The following CPNE2 variants were observed in gnomAD, a reference collection of about 807,000 sequenced individuals.
CPNE2 encodes copine-2.
A neutral mutation model predicts 69.7 loss-of-function variants in CPNE2; 42 were observed. The ratio of observed to expected loss-of-function variants is 0.60; its 90% CI spans 0.47 to 0.78. CPNE2 has a LOEUF of 0.78. Among genes scored for constraint, CPNE2 ranks in the 30% least tolerant of loss-of-function variants. CPNE2 has a pLI of 0.00. For missense variants in CPNE2, 587 were observed against 732.0 expected, an observed-to-expected ratio of 0.80 and a Z score of 2.29; for synonymous variants, 294 against 289.8, an observed-to-expected ratio of 1.01 and a Z score of -0.15.
At chr16:57,103,977 T>C (rs1440761394) in intron 1 of CPNE2, among the ~76,000 whole-genome samples, 1 of 152,180 alleles carries the variant, frequency 6.6e-6, no homozygotes, top group African/African-American at 2.4e-5. Context: ...AGTGCAGTGG[T>C]GCAATCTAGG....
intron 1 of CPNE2, among the ~76,000 whole-genome samples, chr16:57,101,405 G>A (rs1462830721): frequency 6.6e-6 from 1 of 152,156 alleles, no homozygotes; most frequent in Non-Finnish European, 1.5e-5. Flanking sequence ...CCCCCCAAAA[G>A]TTCAGTAAAC....
chr16:57,134,657 A>C, intron 12 of CPNE2, 118 bp from the exon 13 acceptor site: 6 of 990,508 alleles, frequency 6.1e-6, no homozygotes, highest in Non-Finnish European at 9.4e-6. Context: ...AGAGGAGGGT[A>C]GGGGTGGGGG....
chr16:57,121,119 C>T lies in CPNE2; in HGVS notation c.708C>T (p.Asp236=), dbSNP rs2305697. 838 of 1,613,828 alleles carry T rather than the reference C, an allele frequency of 5.2e-4. 2 individuals are homozygous for T. In the East Asian group the frequency reaches 9.3e-3, roughly 18 times the overall value. Residue 236 remains aspartate, a synonymous_variant, in exon 8 of 16, where the codon GAC becomes GAT. Transcript: ENST00000290776. Reference sequence around the variant, plus strand: ...TCATGTGCTACGACTATGACAATGACGGGGGCCATGACTTCATCGGCGAGT... The same window carrying T: ...TCATGTGCTACGACTATGACAATGATGGGGGCCATGACTTCATCGGCGAGT... ...IQVMCYDYDN[D]GGHDFIGEFQ...
intron 12 of CPNE2, among the ~76,000 whole-genome samples, 159 bp from the exon 13 acceptor site, chr16:57,134,616 G>A (rs995541992): frequency 1.3e-5 from 2 of 152,052 alleles, no homozygotes; most frequent in Non-Finnish European, 2.9e-5. Context: ...CAGTGGAGGT[G>A]AAAAGCAGAT....
intron 10 of CPNE2, chr16:57,125,516 G>A (rs1251601838): frequency 5.2e-6 from 2 of 387,728 alleles, no homozygotes. Flanking sequence ...GCCTGGCTCT[G>A]CATGCAGAGC....
chr16:57,113,558 A>G, intron 3 of CPNE2, 91 bp downstream of exon 3: 1 of 1,359,722 alleles, frequency 7.4e-7, no homozygotes, highest in Non-Finnish European at 9.9e-7. Flanking sequence ...CCCTAGCCCC[A>G]TCTTCCTGGG....
chr16:57,123,625 G>A, intron 10 of CPNE2, 152 bp downstream of exon 10: 1 of 763,658 alleles, frequency 1.3e-6, no homozygotes, highest in Non-Finnish European at 2.2e-6. Flanking sequence ...AGTGAGGAGG[G>A]CATAAGTGGG....
rs1567327400 is a variant in CPNE2 at position 57,137,160 on chromosome 16, A to G, written c.1180A>G (p.Ile394Val). The G allele has an allele frequency of 1.9e-6, 3 of 1,614,118 alleles. No individual in the cohort carries two copies. Among genetic ancestry groups the G allele is most frequent in the Non-Finnish European group, 2.5e-6 (3 of 1,179,998 alleles). The change falls in exon 14 of 16, where the codon ATT becomes GTT. Residue 394 changes from isoleucine (I) to valine (V), a missense_variant. Around this residue, in one of 5 missense-constraint regions of CPNE2, gnomAD observed 185 missense variants for 252.3 expected, o/e 0.73. Coordinates refer to ENST00000290776, the MANE Select transcript of CPNE2 (RefSeq NM_152727.6). ...TTCTCCCGAGGCAGGTGTGGATGGT[A>G]TTGCCCAGGCGTACTCAGCTTGCCT... ...TNPFCSGVDG[I>V]AQAYSACLPH...
chr16:57,094,126 G>A (rs1470587010), intron 1 of CPNE2: 2 of 456,054 alleles, frequency 4.4e-6, no homozygotes, highest in Non-Finnish European at 8.8e-6. Context: ...AGCTGGATTG[G>A]AAGGGGTCAC....
chr16:57,118,688 GGATAGATA>G (rs71383224), intron 5 of CPNE2, among the ~76,000 whole-genome samples: 2 of 150,918 alleles, frequency 1.3e-5, no homozygotes, highest in African/African-American at 4.9e-5. Context: ...ATGGATGGAT[GGATAGATA>G]GATAGATAGA....
At chr16:57,124,520 C>A in intron 10 of CPNE2, 1 of 374,878 alleles carries the variant, frequency 2.7e-6, no homozygotes. Flanking sequence ...CCACTCCAAC[C>A]CCAGCATATC....
chr16:57,125,916 C>T lies in CPNE2; in HGVS notation c.984C>T (p.His328=). 3.7e-6 allele frequency: 6 copies of T among 1,614,206 alleles called. No individual in the cohort carries two copies. Among genetic ancestry groups the T allele is most frequent in the Non-Finnish European group, 5.1e-6 (6 of 1,180,030 alleles). The change falls in exon 11 of 16, where the codon CAC becomes CAT. Residue 328 remains histidine (H), a synonymous_variant. Transcript: ENST00000290776. The stretch of plus-strand genomic sequence containing the variant: ...ATCCCCTCGACCCTTCCTCTTTGCA[C>T]TATATCAACCCTATGGGCACCAACG... The part of the protein sequence containing the change: ...NGNPLDPSSL[H]YINPMGTNEY...
At chr16:57,124,447 C>A (rs1490739545) in intron 10 of CPNE2, 1 of 449,456 alleles carries the variant, frequency 2.2e-6, no homozygotes, top group Admixed American at 2.4e-5. Context: ...TCGCTTCTCC[C>A]TGATCGTCGC....
At position 57,134,779 on chromosome 16, in the gene CPNE2, C is replaced by G; in HGVS notation, c.1121C>G (p.Ser374Cys). The G allele has an allele frequency of 6.2e-7, 1 of 1,613,962 alleles. No individual in the cohort carries two copies. Among genetic ancestry groups the G allele is most frequent in the Non-Finnish European group, 8.5e-7 (1 of 1,179,936 alleles). The change falls in exon 13 of 16, where the codon TCC becomes TGC. Residue 374 changes from serine to cysteine, a missense_variant. Ser to Cys is a moderately radical substitution (Grantham distance 112). Transcript: ENST00000290776. ...GAQLPPDWKV[S>C]HEFAINFNPT... The stretch of plus-strand genomic sequence containing the variant: ...AGCGTTTTCTCTGCGTTTCAGGTCT[C>G]CCATGAGTTTGCCATCAACTTCAAC...
intron 1 of CPNE2, chr16:57,106,127 ACAT>A (rs1460234047): frequency 6.5e-6 from 1 of 153,284 alleles, no homozygotes; most frequent in East Asian, 1.9e-4. Flanking sequence ...CCAACTCCAG[ACAT>A]CATGTGCTCC....
chr16:57,114,236 G>A lies in CPNE2; in HGVS notation c.360+769G>A, dbSNP rs1321210745. Among the ~76,000 whole-genome samples, 3 of 152,312 alleles carry A rather than the reference G, an allele frequency of 2.0e-5. No individual in the cohort carries two copies. The East Asian group carries it at 5.8e-4, about 29-fold the overall frequency. ...CTGAGAAGAGAGCTTAAGGGCTTGT[G>A]GACAGGGCAGGGAACTGACAAGGGA... is the stretch of plus-strand genomic sequence containing the variant. On this transcript the variant is annotated intron_variant, in intron 3 of 15. Coordinates refer to ENST00000290776, the MANE Select transcript of CPNE2 (RefSeq NM_152727.6).
chr16:57,109,537 C>T (rs1191740105), intron 1 of CPNE2, among the ~76,000 whole-genome samples: 1 of 151,996 alleles, frequency 6.6e-6, no homozygotes, highest in East Asian at 1.9e-4. Context: ...ACAGAGTAGC[C>T]CCAAGGGCTG....
intron 13 of CPNE2, 107 bp downstream of exon 13, chr16:57,134,933 C>T: frequency 1.7e-6 from 2 of 1,211,098 alleles, no homozygotes; most frequent in African/African-American, 1.5e-5. Flanking sequence ...TCTCCTTTCC[C>T]CTCCCCCTTA....
Position 57,121,754 on chromosome 16 carries a change from C to T in CPNE2, c.861C>T (p.Ser287=). ...ACTCGGGCATCATCATCCTGCGATC[C>T]TGCAAGGTGAACCAGCGTGGGCAAG... ...YKNSGIIILR[S]CKINRDYSFL... Residue 287 remains serine (S), a synonymous_variant, in exon 9 of 16, where the codon TCC becomes TCT. Coordinates refer to ENST00000290776, the MANE Select transcript of CPNE2 (RefSeq NM_152727.6). 2 of 1,614,148 alleles carry T rather than the reference C, an allele frequency of 1.2e-6. No homozygotes were observed. Among genetic ancestry groups the T allele is most frequent in the Admixed American group, 3.3e-5 (2 of 60,022 alleles).
Sources: allele counts gnomAD v4.1 joint callset (sites outside exome capture counted in the v4.1 genomes callset), GRCh38; gene constraint gnomAD v4.1.1; regional missense constraint gnomAD v4.1.1; transcripts MANE v1.5; gene names NCBI Gene and HGNC (gene_info 2026-07-23, HGNC 2026-07-21).